Variants in TACC2 observed in about 807,000 individuals in gnomAD.
TACC2 encodes the protein transforming acidic coiled-coil containing protein 2, also known as transforming acidic coiled-coil-containing protein 2.
In TACC2, 137 loss-of-function variants were observed where a neutral mutation model predicts 227.3. The observed-to-expected ratio is 0.60, with a 90% confidence interval of 0.52 to 0.69. The LOEUF (loss-of-function observed/expected upper bound fraction) is 0.69, where lower values mean the gene tolerates loss of function less well. Ranked by LOEUF, TACC2 falls within the 30% of genes least tolerant of loss-of-function variation. TACC2 has a pLI of 0.00. For missense variants in TACC2, 3,470 were observed against 3,694.4 expected, an observed-to-expected ratio of 0.94 and a Z score of 1.57; for synonymous variants, 1,523 against 1,487.5, an observed-to-expected ratio of 1.02 and a Z score of -0.55.
At chr10:122,178,472 G>C (rs1284992332) in intron 7 of TACC2, among the ~76,000 whole-genome samples, 1 of 152,080 alleles carries the variant, frequency 6.6e-6, no homozygotes, top group African/African-American at 2.4e-5. Flanking sequence ...CCCGACCTCA[G>C]GTGATCTGCC....
Position 122,229,380 on chromosome 10 carries a change from C to T in TACC2, c.7931C>T (p.Ala2644Val), listed in dbSNP as rs2095689998. The change falls in exon 15 of 23, where the codon GCC (alanine) becomes GTC (valine). Residue 2644 changes from alanine to valine, a missense_variant. By Grantham distance (64) the Ala-to-Val change is moderately conservative (BLOSUM62 0). Transcript: ENST00000369005. ...GAGGGCTCCTTTGCCTCTGCTGACGCCCTCCTCAGCAGGCTAGCTCACCCC... is the reference window on the plus strand; with the variant it reads ...GAGGGCTCCTTTGCCTCTGCTGACGTCCTCCTCAGCAGGCTAGCTCACCCC... ...APEGSFASAD[A>V]LLSRLAHPVS... The T allele has an allele frequency of 1.2e-6, 2 of 1,614,014 alleles. No homozygotes were observed. Among genetic ancestry groups the T allele is most frequent in the Non-Finnish European group, 1.7e-6 (2 of 1,179,996 alleles).
At chr10:122,231,073 A>G (rs1237267865) in intron 16 of TACC2, among the ~76,000 whole-genome samples, 1 of 152,140 alleles carries the variant, frequency 6.6e-6, no homozygotes, top group East Asian at 1.9e-4. Context: ...TTGTTTTTTT[A>G]CAAAAAACGG....
rs11395611 is a variant in TACC2 at position 122,018,012 on chromosome 10, TA to T, written c.-45-3914del. On this transcript the variant is annotated intron_variant, in intron 1 of 22. Coordinates refer to ENST00000369005, the MANE Select transcript of TACC2 (RefSeq NM_206862.4). Reference sequence around the variant, plus strand: ...ATTCGTTTTATTTATTTATTTCTTCTAAAAAAAAAAACAGGATACATGTGCA... The same window carrying T: ...ATTCGTTTTATTTATTTATTTCTTCTAAAAAAAAAACAGGATACATGTGCA... 7.0e-3 allele frequency among the ~76,000 whole-genome samples: 984 copies of T among 141,402 alleles called. 10 individuals are homozygous for T. Among genetic ancestry groups the T allele is most frequent in the South Asian group, 0.027 (122 of 4,478 alleles). 92.8% of individuals were successfully genotyped at this position (141,402 alleles called of 152,430 possible).
intron 10 of TACC2, among the ~76,000 whole-genome samples, chr10:122,216,276 T>C (rs1052695741): frequency 6.6e-6 from 1 of 152,164 alleles, no homozygotes; most frequent in African/African-American, 2.4e-5. Context: ...CAGGTGATTC[T>C]GGTGATATTG....
chr10:122,018,098 A>G (rs1040437951), intron 1 of TACC2, among the ~76,000 whole-genome samples: 8 of 150,940 alleles, frequency 5.3e-5, no homozygotes, highest in Non-Finnish European at 8.8e-5. Context: ...GCATCTATTG[A>G]CCCATCCTCC....
intron 7 of TACC2, among the ~76,000 whole-genome samples, chr10:122,155,011 G>A (rs184543429): frequency 6.6e-6 from 1 of 152,306 alleles, no homozygotes; most frequent in East Asian, 1.9e-4. Flanking sequence ...CGACTGCTGC[G>A]GGCAGGCGTG....
chr10:122,151,009 T>G (rs943033880), intron 7 of TACC2, among the ~76,000 whole-genome samples: 5 of 152,188 alleles, frequency 3.3e-5, no homozygotes, highest in Non-Finnish European at 7.3e-5. Flanking sequence ...TACCCATCTT[T>G]AAGATAGGGC....
chr10:122,122,052 C>G (rs1019840475), intron 5 of TACC2, among the ~76,000 whole-genome samples: 28 of 152,178 alleles, frequency 1.8e-4, no homozygotes, highest in African/African-American at 6.5e-4. Context: ...ATCTCCTCTC[C>G]TCTTCTATAA....
intron 1 of TACC2, among the ~76,000 whole-genome samples, chr10:122,015,433 A>T (rs9943463): frequency 0.46 from 69,168 of 151,734 alleles, 15,890 homozygotes; most frequent in South Asian, 0.6. Flanking sequence ...TGAACCCAGG[A>T]AGCAGAGGTT....
chr10:122,168,468 A>G (rs953001760), intron 7 of TACC2, among the ~76,000 whole-genome samples: 7 of 152,112 alleles, frequency 4.6e-5, no homozygotes, highest in Non-Finnish European at 7.3e-5. Flanking sequence ...CCTAGATATC[A>G]CCAGCGTGGC....
At chr10:122,232,145 T>G (rs2095764770) in intron 16 of TACC2, among the ~76,000 whole-genome samples, 1 of 152,196 alleles carries the variant, frequency 6.6e-6, no homozygotes, top group East Asian at 1.9e-4. Flanking sequence ...AACCATAAGC[T>G]TAGGTTGAAT....
At chr10:122,122,730 C>T (rs11200413) in intron 5 of TACC2, among the ~76,000 whole-genome samples, 14,085 of 152,122 alleles carry the variant, frequency 0.093, 793 homozygotes, top group East Asian at 0.23. Context: ...CTCTGTTCTT[C>T]GCCCTCTTAA....
intron 10 of TACC2, among the ~76,000 whole-genome samples, chr10:122,215,887 C>T (rs1419085232): frequency 6.6e-6 from 1 of 152,194 alleles, no homozygotes; most frequent in African/African-American, 2.4e-5. Context: ...AGAAGTGGGG[C>T]TTAGGTTCTG....
intron 7 of TACC2, among the ~76,000 whole-genome samples, chr10:122,147,208 C>T (rs1214016690): frequency 6.6e-6 from 1 of 151,890 alleles, no homozygotes; most frequent in Non-Finnish European, 1.5e-5. Context: ...GCAGTGGTGC[C>T]ATCTCCACTC....
At chr10:122,201,263 ACCTGC>A (rs2094831959) in intron 8 of TACC2, among the ~76,000 whole-genome samples, 1 of 118,986 alleles carries the variant, frequency 8.4e-6, no homozygotes, top group South Asian at 2.9e-4. Flanking sequence ...CGGCCACCTC[ACCTGC>A]CCACAGTGGC....
intron 7 of TACC2, among the ~76,000 whole-genome samples, chr10:122,191,224 C>T (rs1248889057): frequency 6.6e-6 from 1 of 152,072 alleles, no homozygotes; most frequent in Non-Finnish European, 1.5e-5. Flanking sequence ...CGAAGCGATC[C>T]TCCTGAGTCT....
At chr10:122,061,785 G>A (rs965919405) in intron 3 of TACC2, among the ~76,000 whole-genome samples, 2 of 152,104 alleles carry the variant, frequency 1.3e-5, no homozygotes, top group African/African-American at 2.4e-5. Flanking sequence ...CAAGCTAAAT[G>A]CCCTAGGTGG....
intron 5 of TACC2, among the ~76,000 whole-genome samples, chr10:122,102,088 T>C (rs959342628): frequency 6.6e-6 from 1 of 152,104 alleles, no homozygotes; most frequent in Non-Finnish European, 1.5e-5. Context: ...AGGTACTGTG[T>C]GACGCTTCAC....
At chr10:122,188,445 A>C (rs1027784105) in intron 7 of TACC2, among the ~76,000 whole-genome samples, 1 of 151,908 alleles carries the variant, frequency 6.6e-6, no homozygotes, top group African/African-American at 2.4e-5. Context: ...ACGCCTGGCT[A>C]ATCTTTGTAT....
Sources: allele counts gnomAD v4.1 joint callset (sites outside exome capture counted in the v4.1 genomes callset), GRCh38; gene constraint gnomAD v4.1.1; transcripts MANE v1.5; gene names NCBI Gene and HGNC (gene_info 2026-07-23, HGNC 2026-07-21).